UGGT2: variants seen among roughly 807,000 people sequenced by gnomAD.
UGGT2 encodes the protein UDP-glucose:glycoprotein glucosyltransferase 2.
In UGGT2, 180 loss-of-function variants were observed where a neutral mutation model predicts 192.1. That is an observed-to-expected ratio of 0.94 (90% CI 0.83 to 1.06). The LOEUF is 1.06. UGGT2 is among the 50% of genes least tolerant of loss of function. The probability of loss-of-function intolerance (pLI) is 0.00; values close to 1 mark genes in which losing one functional copy is unlikely to be tolerated. For missense variants in UGGT2, 1,849 were observed against 1,795.7 expected (o/e 1.03, Z -0.54); for synonymous variants, 580 against 591.0 (o/e 0.98, Z 0.27).
intron 38 of UGGT2, among the ~76,000 whole-genome samples, chr13:95,807,054 C>G (rs991611114): frequency 1.2e-4 from 18 of 152,108 alleles, no homozygotes; most frequent in Non-Finnish European, 1.6e-4. Flanking sequence ...TAACTTTTGA[C>G]TCTTTAAAAA....
chr13:95,854,260 T>C, intron 35 of UGGT2, 55 bp downstream of exon 35: 2 of 1,522,690 alleles, frequency 1.3e-6, no homozygotes, highest in Admixed American at 2.2e-5. Context: ...AAACTGAAAG[T>C]TGCAATTCAA....
At chr13:95,897,303 C>CAA (rs142099229) in intron 22 of UGGT2, among the ~76,000 whole-genome samples, 31 of 151,392 alleles carry the variant, frequency 2.0e-4, no homozygotes, top group African/African-American at 7.5e-4. Context: ...GACTATAAAA[C>CAA]AAAAAAAAGA....
chr13:95,963,617 CA>C (rs2050473716), intron 12 of UGGT2, among the ~76,000 whole-genome samples: 1 of 152,130 alleles, frequency 6.6e-6, no homozygotes, highest in Admixed American at 6.6e-5. Flanking sequence ...TTGCACACAA[CA>C]TGATTGTATA....
intron 33 of UGGT2, among the ~76,000 whole-genome samples, chr13:95,859,169 G>A (rs1206879341): frequency 1.3e-5 from 2 of 152,182 alleles, no homozygotes; most frequent in East Asian, 1.9e-4. Flanking sequence ...CTACACAGAC[G>A]AAAGAGCTTT....
At chr13:96,034,813 C>T (rs373107832) in intron 1 of UGGT2, among the ~76,000 whole-genome samples, 10 of 152,336 alleles carry the variant, frequency 6.6e-5, no homozygotes, top group African/African-American at 1.9e-4. Flanking sequence ...CCTGGCTGTG[C>T]GCAGTGGCCG....
intron 4 of UGGT2, among the ~76,000 whole-genome samples, chr13:96,015,113 C>A (rs1262268239): frequency 2.0e-5 from 3 of 151,750 alleles, no homozygotes; most frequent in East Asian, 3.9e-4. Flanking sequence ...CCTGTCTGTA[C>A]CAAAAATACA....
intron 4 of UGGT2, among the ~76,000 whole-genome samples, chr13:96,017,256 T>C (rs2052367552): frequency 6.6e-6 from 1 of 152,176 alleles, no homozygotes; most frequent in Non-Finnish European, 1.5e-5. Context: ...TAATTTGCAA[T>C]GTGAGAAGGA....
chr13:95,915,831 C>T (rs1047873586), intron 20 of UGGT2, among the ~76,000 whole-genome samples: 2 of 152,210 alleles, frequency 1.3e-5, no homozygotes, highest in East Asian at 3.9e-4. Flanking sequence ...TTCCTCCTCA[C>T]TGGGGAGGAC....
At chr13:95,871,642 T>C (rs991390323) in intron 29 of UGGT2, among the ~76,000 whole-genome samples, 1 of 152,232 alleles carries the variant, frequency 6.6e-6, no homozygotes, top group African/African-American at 2.4e-5. Flanking sequence ...GCTTACTGCC[T>C]CTGCAACTGC....
intron 2 of UGGT2, 49 bp downstream of exon 2, chr13:96,031,840 T>C (rs747823179): frequency 7.4e-7 from 1 of 1,353,488 alleles, no homozygotes; most frequent in Non-Finnish European, 1.0e-6. Flanking sequence ...CATTACAATG[T>C]GTGTACATAA....
chr13:95,803,406 A>G (rs1186688248), intron 38 of UGGT2, among the ~76,000 whole-genome samples: 2 of 151,636 alleles, frequency 1.3e-5, no homozygotes, highest in African/African-American at 4.8e-5. Flanking sequence ...GATTACAGGC[A>G]TGCGCCACCA....
chr13:96,023,825 C>A, intron 2 of UGGT2, 66 bp from the exon 3 acceptor site: 1 of 1,293,658 alleles, frequency 7.7e-7, no homozygotes, highest in Non-Finnish European at 1.0e-6. Context: ...GCACATCTTC[C>A]ACTGTAAGGC....
rs1350462348 is a variant in UGGT2, at chr13:95,918,293, T to C, written c.2295+7387A>G. On this transcript the variant is annotated intron_variant, in intron 20 of 38. Coordinates refer to ENST00000376747, the MANE Select transcript of UGGT2 (RefSeq NM_020121.4). ...TCCTGAATGACTCTTGAGTAAATAATGAAATTAAGGCAGAAATCAAGAATT... is the reference window on the plus strand; with the variant it reads ...TCCTGAATGACTCTTGAGTAAATAACGAAATTAAGGCAGAAATCAAGAATT... Among the ~76,000 whole-genome samples the C allele has an allele frequency of 3.3e-5, 5 of 152,078 alleles. No individual in the cohort carries two copies. In the East Asian group the frequency reaches 9.6e-4, roughly 29 times the overall value.
At chr13:96,033,424 G>T (rs1255117615) in intron 1 of UGGT2, among the ~76,000 whole-genome samples, 1 of 152,118 alleles carries the variant, frequency 6.6e-6, no homozygotes, top group Admixed American at 6.5e-5. Context: ...AGGTGCAGCT[G>T]TCCGGACCCG....
intron 38 of UGGT2, chr13:95,809,648 G>T: frequency 4.9e-6 from 1 of 202,644 alleles, no homozygotes. Context: ...GTGCCTGCAG[G>T]CTGCAGCCTT....
At chr13:95,944,921 CTGTCCATTTATCT>C (rs2049813179) in intron 15 of UGGT2, among the ~76,000 whole-genome samples, 1 of 151,902 alleles carries the variant, frequency 6.6e-6, no homozygotes, top group African/African-American at 2.4e-5. Flanking sequence ...TATAGTGAAA[CTGTCCATTTATCT>C]CCCTTGCTAT....
chr13:95,913,815 A>T (rs183395412), intron 20 of UGGT2, among the ~76,000 whole-genome samples: 6 of 152,314 alleles, frequency 3.9e-5, no homozygotes, highest in Non-Finnish European at 7.4e-5. Flanking sequence ...TATTGACAAT[A>T]GCAAAGACTT....
intron 4 of UGGT2, among the ~76,000 whole-genome samples, chr13:96,018,488 C>T (rs1321768109): frequency 5.3e-5 from 8 of 152,004 alleles, no homozygotes; most frequent in Non-Finnish European, 1.0e-4. Context: ...TGCACTCTAG[C>T]CTGGGCACTA....
At chr13:95,962,011 AG>A (rs2050408415) in intron 12 of UGGT2, among the ~76,000 whole-genome samples, 1 of 152,196 alleles carries the variant, frequency 6.6e-6, no homozygotes, top group Non-Finnish European at 1.5e-5. Context: ...GAAATGAAGG[AG>A]GAAATAAAAA....
Sources: gnomAD v4.1 joint callset for allele counts (sites outside exome capture counted in the v4.1 genomes callset) on GRCh38, gnomAD v4.1.1 for gene constraint, MANE v1.5 for transcripts, NCBI Gene and HGNC (gene_info 2026-07-23, HGNC 2026-07-21) for gene names.